Variants in LDB2 observed in about 807,000 individuals in gnomAD.
LDB2 encodes LIM domain-binding protein 2.
In LDB2, 12 loss-of-function variants were observed where a neutral mutation model predicts 44.3. That is an observed-to-expected ratio of 0.27 (90% CI 0.17 to 0.44). The LOEUF (loss-of-function observed/expected upper bound fraction) is 0.44. LDB2 is among the 20% of genes least tolerant of loss of function. The pLI is 1.00. For synonymous variants in LDB2, 164 were observed against 174.8 expected, an observed-to-expected ratio of 0.94 and a Z score of 0.49; for missense variants, 344 against 473.5, an observed-to-expected ratio of 0.73 and a Z score of 2.54.
At chr4:16,837,576 C>T (rs1441382023) in intron 1 of LDB2, among the ~76,000 whole-genome samples, 1 of 152,220 alleles carries the variant, frequency 6.6e-6, no homozygotes, top group East Asian at 1.9e-4. Context: ...ACTAGGATTG[C>T]TTTCTGGCTC....
At chr4:16,823,936 G>A (rs1272645544) in intron 1 of LDB2, among the ~76,000 whole-genome samples, 1 of 152,228 alleles carries the variant, frequency 6.6e-6, no homozygotes, top group Non-Finnish European at 1.5e-5. Flanking sequence ...GGCTATAAGT[G>A]AGGATTTGAT....
chr4:16,682,047 C>T (rs891184629), intron 2 of LDB2, among the ~76,000 whole-genome samples: 1 of 152,136 alleles, frequency 6.6e-6, no homozygotes, highest in African/African-American at 2.4e-5. Context: ...CAGGTGACTA[C>T]ATACCTTTAA....
At chr4:16,852,299 G>T (rs1169564494) in intron 1 of LDB2, among the ~76,000 whole-genome samples, 2 of 152,172 alleles carry the variant, frequency 1.3e-5, no homozygotes, top group East Asian at 3.9e-4. Context: ...CCCATGACTA[G>T]GGAGGAAGGA....
chr4:16,519,137 T>G (rs1724990269), intron 5 of LDB2, among the ~76,000 whole-genome samples: 1 of 152,210 alleles, frequency 6.6e-6, no homozygotes, highest in African/African-American at 2.4e-5. Flanking sequence ...TCTTTTTATT[T>G]AACACGGTAT....
At chr4:16,696,442 T>C (rs145508751) in intron 2 of LDB2, among the ~76,000 whole-genome samples, 145 of 152,326 alleles carry the variant, frequency 9.5e-4, no homozygotes, top group African/African-American at 3.3e-3. Context: ...AACATTTTTT[T>C]CAAAGGAGTT....
chr4:16,866,110 G>A (rs1171619244), intron 1 of LDB2, among the ~76,000 whole-genome samples: 1 of 152,220 alleles, frequency 6.6e-6, no homozygotes, highest in Non-Finnish European at 1.5e-5. Context: ...TTTGTGATAA[G>A]AGCTGGGACC....
At chr4:16,668,994 A>G (rs764718249) in intron 2 of LDB2, among the ~76,000 whole-genome samples, 9 of 152,072 alleles carry the variant, frequency 5.9e-5, no homozygotes, top group Non-Finnish European at 1.2e-4. Flanking sequence ...GCTCATCTCT[A>G]TACTAGGAAA....
At chr4:16,664,328 G>A (rs965385012) in intron 2 of LDB2, among the ~76,000 whole-genome samples, 5 of 152,166 alleles carry the variant, frequency 3.3e-5, no homozygotes, top group South Asian at 2.1e-4. Flanking sequence ...CTTGGACTTC[G>A]CAGCCTCCAG....
intron 1 of LDB2, among the ~76,000 whole-genome samples, chr4:16,792,952 T>C (rs571813312): frequency 7.9e-5 from 12 of 152,244 alleles, no homozygotes; most frequent in Non-Finnish European, 1.6e-4. Flanking sequence ...TTGAGCAAGT[T>C]CAACAATCCC....
chr4:16,897,921 T>C lies in LDB2; in HGVS notation c.132+433A>G, dbSNP rs180715067. 4.5e-3 allele frequency among the ~76,000 whole-genome samples: 74 copies of C among 16,522 alleles called. 2 individuals carry two copies. Among genetic ancestry groups the C allele is most frequent in the African/African-American group, 0.031 (67 of 2,176 alleles). 10.8% of individuals were successfully genotyped at this position (16,522 alleles called of 152,430 possible). On this transcript the variant is annotated intron_variant, in intron 1 of 7. Coordinates refer to ENST00000304523, the MANE Select transcript of LDB2 (RefSeq NM_001290.5). Reference sequence around the variant, plus strand: ...ATATATATATATATATATATATATATATATATATATATATATACACATATG... The same window carrying C: ...ATATATATATATATATATATATATACATATATATATATATATACACATATG...
intron 2 of LDB2, among the ~76,000 whole-genome samples, chr4:16,666,602 TG>T (rs1403401993): frequency 6.6e-6 from 1 of 152,248 alleles, no homozygotes; most frequent in African/African-American, 2.4e-5. Flanking sequence ...TTCTACTGCA[TG>T]GATGTCCATA....
chr4:16,890,676 A>T (rs886692206), intron 1 of LDB2, among the ~76,000 whole-genome samples: 1 of 152,180 alleles, frequency 6.6e-6, no homozygotes, highest in Non-Finnish European at 1.5e-5. Flanking sequence ...CTCAAATCTC[A>T]GGATGGCCAT....
At chr4:16,780,445 A>G (rs951201975) in intron 1 of LDB2, among the ~76,000 whole-genome samples, 9 of 151,580 alleles carry the variant, frequency 5.9e-5, no homozygotes, top group African/African-American at 1.9e-4. Context: ...CTGGTCTTGA[A>G]CTCCTGACCT....
chr4:16,534,973 C>T (rs975015576), intron 5 of LDB2, among the ~76,000 whole-genome samples: 3 of 152,162 alleles, frequency 2.0e-5, no homozygotes, highest in African/African-American at 4.8e-5. Flanking sequence ...AATTATGACA[C>T]ATCAGGGGAT....
chr4:16,581,315 C>T, intron 5 of LDB2: 1 of 706,084 alleles, frequency 1.4e-6, no homozygotes, highest in African/African-American at 1.9e-5. Context: ...AAGCAACTTG[C>T]CCAGGGTCAC....
chr4:16,729,578 C>T (rs1760293846), intron 2 of LDB2, among the ~76,000 whole-genome samples: 1 of 152,108 alleles, frequency 6.6e-6, no homozygotes, highest in South Asian at 2.1e-4. Flanking sequence ...TCCTCCAAAT[C>T]CCCCATCTTT....
At chr4:16,742,448 A>T (rs2109026265) in intron 2 of LDB2, among the ~76,000 whole-genome samples, 1 of 152,274 alleles carries the variant, frequency 6.6e-6, no homozygotes, top group Non-Finnish European at 1.5e-5. Flanking sequence ...TAGCTTACAG[A>T]ATTGAACCCA....
At chr4:16,667,648 T>C (rs1743649750) in intron 2 of LDB2, among the ~76,000 whole-genome samples, 1 of 152,320 alleles carries the variant, frequency 6.6e-6, no homozygotes, top group African/African-American at 2.4e-5. Flanking sequence ...GGCTGACTCA[T>C]GGATGGCAAT....
chr4:16,608,206 C>CAAAAAAAAAAAAAAAAAAAAAAAA (rs71649969), intron 2 of LDB2, among the ~76,000 whole-genome samples: 1 of 68,482 alleles, frequency 1.5e-5, no homozygotes, highest in Non-Finnish European at 3.0e-5. Flanking sequence ...CACACTTCTT[C>CAAAAAAAAAAAAAAAAAAAAAAAA]AAAAAAAAAA....
Sources: gnomAD v4.1 joint callset for allele counts (sites outside exome capture counted in the v4.1 genomes callset) on GRCh38, gnomAD v4.1.1 for gene constraint, MANE v1.5 for transcripts, NCBI Gene and HGNC (gene_info 2026-07-23, HGNC 2026-07-21) for gene names.